Variants in MDFIC observed in about 807,000 individuals in gnomAD.
The protein encoded by MDFIC is myoD family inhibitor domain-containing protein.
A neutral mutation model predicts 23.2 loss-of-function variants in MDFIC; 17 were observed. The ratio of observed to expected loss-of-function variants is 0.73; its 90% CI spans 0.50 to 1.10. MDFIC has a LOEUF of 1.10. MDFIC is among the 50% of genes least tolerant of loss of function. The pLI, the probability that MDFIC is intolerant of heterozygous loss-of-function variation, is 0.00. For missense variants in MDFIC, 356 were observed against 316.6 expected (o/e 1.12, Z -0.95); for synonymous variants, 120 against 115.2 (o/e 1.04, Z -0.27).
chr7:114,922,532 C>G lies in MDFIC; in HGVS notation c.-212C>G. On this transcript the variant is annotated 5_prime_UTR_variant, in exon 1 of 5. Coordinates refer to ENST00000393486, the MANE Select transcript of MDFIC (RefSeq NM_001166345.3). Reference sequence around the variant, plus strand: ...GCGGCCGCCGCCGTCGTCAGGCCACCGGGGCGAAAATGCGGCCGCTGCCGG... The same window carrying G: ...GCGGCCGCCGCCGTCGTCAGGCCACGGGGGCGAAAATGCGGCCGCTGCCGG... 1 of 1,265,396 alleles carries G rather than the reference C, an allele frequency of 7.9e-7. No individual in the cohort carries two copies. The allele number at this position is 1,265,396 out of a possible 1,614,324, so 78.4% of individuals were successfully genotyped here. A position where few individuals can be genotyped will look rare whatever the true frequency, so the allele number is the denominator to read the frequency against.
intron 3 of MDFIC, among the ~76,000 whole-genome samples, chr7:114,975,319 T>C (rs1793289691): frequency 6.6e-6 from 1 of 152,104 alleles, no homozygotes. Context: ...CTACATTCTA[T>C]TGTCCCTTTA....
At chr7:114,958,192 A>T (rs1318095732) in intron 3 of MDFIC, among the ~76,000 whole-genome samples, 1 of 152,206 alleles carries the variant, frequency 6.6e-6, no homozygotes, top group African/African-American at 2.4e-5. Context: ...CATAAACTAA[A>T]CTGTTCTTGC....
intron 4 of MDFIC, among the ~76,000 whole-genome samples, chr7:114,986,151 G>A (rs1022456714): frequency 2.6e-5 from 4 of 151,808 alleles, no homozygotes; most frequent in African/African-American, 9.7e-5. Context: ...TTGGACCTAT[G>A]GGAGGACTGA....
chr7:114,987,237 A>T (rs1312270952), intron 4 of MDFIC, among the ~76,000 whole-genome samples: 1 of 152,190 alleles, frequency 6.6e-6, no homozygotes, highest in Non-Finnish European at 1.5e-5. Flanking sequence ...TAGAAAGGTA[A>T]AATTGAAATT....
chr7:114,928,151 G>A (rs1369290221), intron 2 of MDFIC, among the ~76,000 whole-genome samples: 1 of 152,146 alleles, frequency 6.6e-6, no homozygotes, highest in Non-Finnish European at 1.5e-5. Flanking sequence ...TATCAGCTGG[G>A]CATATTCATT....
intron 3 of MDFIC, among the ~76,000 whole-genome samples, chr7:114,966,540 A>G: frequency 6.6e-6 from 1 of 152,226 alleles, no homozygotes. Flanking sequence ...GCTGATGAGT[A>G]CTAGTGGAAG....
At position 114,922,399 on chromosome 7, in the gene MDFIC, C is replaced by T; in HGVS notation, c.-345C>T. 1 of 1,237,864 alleles carries T rather than the reference C, an allele frequency of 8.1e-7. No homozygotes were observed. The highest frequency in any genetic ancestry group is 1.0e-6 in the Non-Finnish European group (1 of 989,260). 76.7% of individuals were successfully genotyped at this position (1,237,864 alleles called of 1,614,324 possible). ...AGGGGAGCCGGCTGGAGTGAGCTGG[C>T]TGGAAAGAGGGGGCGGAGTGCGCGG... On this transcript the variant is annotated 5_prime_UTR_variant, in exon 1 of 5. Coordinates refer to ENST00000393486, the MANE Select transcript of MDFIC (RefSeq NM_001166345.3).
intron 3 of MDFIC, among the ~76,000 whole-genome samples, chr7:114,978,875 C>T (rs974453047): frequency 2.0e-5 from 3 of 152,002 alleles, no homozygotes; most frequent in Non-Finnish European, 4.4e-5. Flanking sequence ...AAAGTCCTGA[C>T]ATTTAATTTT....
At chr7:114,946,983 A>G (rs1382639953) in intron 3 of MDFIC, among the ~76,000 whole-genome samples, 2 of 152,232 alleles carry the variant, frequency 1.3e-5, no homozygotes, top group Admixed American at 6.5e-5. Context: ...CAGGTGTGCT[A>G]TTTATATACT....
chr7:114,953,339 C>A (rs183925562), intron 3 of MDFIC, among the ~76,000 whole-genome samples: 20 of 152,028 alleles, frequency 1.3e-4, no homozygotes, highest in Admixed American at 2.6e-4. Context: ...TCATAAAAAT[C>A]TTTTTTAAAA....
intron 4 of MDFIC, among the ~76,000 whole-genome samples, chr7:115,003,816 T>A (rs1018561832): frequency 1.3e-5 from 2 of 152,194 alleles, no homozygotes; most frequent in East Asian, 3.9e-4. Flanking sequence ...TACTTTCTCC[T>A]TCTACCCTAT....
intron 4 of MDFIC, among the ~76,000 whole-genome samples, chr7:114,990,479 T>C (rs1793587075): frequency 6.6e-6 from 1 of 152,198 alleles, no homozygotes; most frequent in Non-Finnish European, 1.5e-5. Flanking sequence ...TAGGTATATC[T>C]CCTAATGCTA....
At chr7:114,943,230 T>C (rs1175134633) in intron 3 of MDFIC, among the ~76,000 whole-genome samples, 1 of 152,212 alleles carries the variant, frequency 6.6e-6, no homozygotes, top group Non-Finnish European at 1.5e-5. Context: ...TAAAAACTTA[T>C]TTCTTTAGTT....
chr7:114,934,531 C>T (rs181989013), intron 2 of MDFIC, among the ~76,000 whole-genome samples: 21 of 152,196 alleles, frequency 1.4e-4, no homozygotes, highest in African/African-American at 5.1e-4. Context: ...TATCCCAAAC[C>T]TATAAAGTGA....
chr7:114,941,257 A>G (rs1314920418), intron 2 of MDFIC, among the ~76,000 whole-genome samples: 2 of 152,234 alleles, frequency 1.3e-5, no homozygotes, highest in African/African-American at 4.8e-5. Flanking sequence ...AAGGCATTTC[A>G]TAAAGCTTCA....
intron 3 of MDFIC, among the ~76,000 whole-genome samples, chr7:114,964,906 A>C (rs1793068549): frequency 6.6e-6 from 1 of 152,166 alleles, no homozygotes; most frequent in Non-Finnish European, 1.5e-5. Context: ...GAAGAATAGC[A>C]CTGTATGTAT....
intron 4 of MDFIC, among the ~76,000 whole-genome samples, chr7:115,010,131 A>T (rs189999082): frequency 1.4e-4 from 22 of 152,226 alleles, no homozygotes; most frequent in East Asian, 5.8e-4. Flanking sequence ...CCATTTTTTT[A>T]AAAAAAGTTT....
chr7:114,990,513 G>A (rs943374011), intron 4 of MDFIC, among the ~76,000 whole-genome samples: 3 of 151,964 alleles, frequency 2.0e-5, no homozygotes, highest in Non-Finnish European at 2.9e-5. Context: ...CCTGCCCCAC[G>A]ACAGGCCCCA....
At position 115,011,878 on chromosome 7, in the gene MDFIC, C is replaced by T. The variant is rs112830105; in HGVS notation, c.494-3810C>T. On this transcript the variant is annotated intron_variant, in intron 4 of 4. Transcript: ENST00000393486. The stretch of plus-strand genomic sequence containing the variant: ...CCTAATTGCTTATTGGTTTCTTCCG[C>T]CTTTCTGTCATCAGCATAGCTGAGT... Among the ~76,000 whole-genome samples the T allele has an allele frequency of 2.1e-3, 313 of 152,318 alleles. 3 individuals carry two copies. The highest frequency in any genetic ancestry group is 3.5e-3 in the Non-Finnish European group (238 of 68,028).
Sources: allele counts gnomAD v4.1 joint callset (sites outside exome capture counted in the v4.1 genomes callset), GRCh38; gene constraint gnomAD v4.1.1; transcripts MANE v1.5; gene names NCBI Gene and HGNC (gene_info 2026-07-23, HGNC 2026-07-21).